Variants in HDAC4 observed in about 807,000 individuals in gnomAD.
HDAC4 encodes the protein histone deacetylase A.
HDAC4 carries 16 observed loss-of-function variants against 135.1 expected under a neutral mutation model. The observed-to-expected ratio is 0.12, with a 90% confidence interval of 0.08 to 0.18. The LOEUF is 0.18. Among genes scored for constraint, HDAC4 ranks in the 10% least tolerant of loss-of-function variants. HDAC4 has a pLI of 1.00. For synonymous variants in HDAC4, 685 were observed against 653.4 expected (o/e 1.05, Z -0.74); for missense variants, 1,143 against 1,511.8 (o/e 0.76, Z 4.05).
intron 3 of HDAC4, among the ~76,000 whole-genome samples, chr2:239,202,973 G>A (rs2045847934): frequency 6.6e-6 from 1 of 152,160 alleles, no homozygotes. Context: ...CGCCGCACCT[G>A]GATGTAGGCT....
intron 8 of HDAC4, among the ~76,000 whole-genome samples, chr2:239,142,696 C>T (rs557765219): frequency 6.6e-6 from 1 of 151,460 alleles, no homozygotes. Context: ...ACTGATCATG[C>T]CCTGTCACAC....
chr2:239,152,537 C>T (rs2042180099), intron 7 of HDAC4, among the ~76,000 whole-genome samples: 1 of 152,216 alleles, frequency 6.6e-6, no homozygotes, highest in African/African-American at 2.4e-5. Flanking sequence ...GACCTGAGGC[C>T]CTGGGTAGAG....
At chr2:239,354,907 C>A (rs115468934) in intron 1 of HDAC4, among the ~76,000 whole-genome samples, 1 of 152,134 alleles carries the variant, frequency 6.6e-6, no homozygotes, top group South Asian at 2.1e-4. Flanking sequence ...AAACACATCT[C>A]AGCTGGGTAT....
upstream of HDAC4, chr2:239,401,374 G>C (rs1163638046): frequency 1.3e-5 from 2 of 155,646 alleles, no homozygotes; most frequent in African/African-American, 4.8e-5. Flanking sequence ...GGCTGCTGGA[G>C]CTGCCAATTC....
At chr2:239,287,007 C>A (rs1256764280) in intron 2 of HDAC4, among the ~76,000 whole-genome samples, 1 of 152,118 alleles carries the variant, frequency 6.6e-6, no homozygotes, top group Admixed American at 6.5e-5. Flanking sequence ...GTGTCTGATG[C>A]AAGCAGGAAG....
rs1349390751 is a variant in HDAC4, at chr2:239,124,716, CTGGTGTG to C, written c.1533+1733_1533+1739del. Among the ~76,000 whole-genome samples the C allele has an allele frequency of 4.9e-4, 50 of 101,948 alleles. 2 individuals are homozygous for C. Among genetic ancestry groups the C allele is most frequent in the African/African-American group, 7.9e-4 (21 of 26,550 alleles). The allele number at this position is 101,948 out of a possible 152,430, so 66.9% of individuals were successfully genotyped here. A position where few individuals can be genotyped will look rare whatever the true frequency, so the allele number is the denominator to read the frequency against. On this transcript the variant is annotated intron_variant, in intron 12 of 26. Coordinates refer to ENST00000543185, the MANE Select transcript of HDAC4 (RefSeq NM_001378414.1). ...ATGACATTCCATGTTATGTGACATT[CTGGTGTG>C]CTGGCGTGTGGCTGCGTTATATGAC...
chr2:239,140,988 C>T (rs750162307), intron 8 of HDAC4: 4 of 397,564 alleles, frequency 1.0e-5, no homozygotes, highest in Non-Finnish European at 2.1e-5. Flanking sequence ...GCTCCCCCAA[C>T]CTGGCAGACC....
At chr2:239,284,032 C>T (rs28629222) in intron 2 of HDAC4, among the ~76,000 whole-genome samples, 17,856 of 152,244 alleles carry the variant, frequency 0.12, 1,636 homozygotes, top group East Asian at 0.43. Flanking sequence ...TCACAGTTCC[C>T]GCTTCTGCAC....
chr2:239,268,635 A>G (rs1304167352), intron 2 of HDAC4, among the ~76,000 whole-genome samples: 1 of 152,226 alleles, frequency 6.6e-6, no homozygotes, highest in Non-Finnish European at 1.5e-5. Flanking sequence ...AGGCCAAGGA[A>G]GACAGGGTAA....
At chr2:239,276,534 G>A (rs1015893254) in intron 2 of HDAC4, among the ~76,000 whole-genome samples, 1 of 152,242 alleles carries the variant, frequency 6.6e-6, no homozygotes, top group East Asian at 1.9e-4. Flanking sequence ...GGCTTCACCA[G>A]TCATGGGGAC....
chr2:239,093,821 G>A (rs2036742119), intron 17 of HDAC4: 1 of 474,028 alleles, frequency 2.1e-6, no homozygotes, highest in Admixed American at 6.4e-5. Context: ...CGTGCTGGCT[G>A]CAGGGCAGTG....
chr2:239,282,094 T>C (rs1252801496), intron 2 of HDAC4, among the ~76,000 whole-genome samples: 1 of 148,654 alleles, frequency 6.7e-6, no homozygotes, highest in African/African-American at 2.5e-5. Context: ...CACTCTACAA[T>C]GAACACCCCA....
chr2:239,067,066 G>T, intron 23 of HDAC4: 1 of 640,304 alleles, frequency 1.6e-6, no homozygotes. Context: ...TGGCTTCAAT[G>T]CTTTGATTTT....
intron 3 of HDAC4, among the ~76,000 whole-genome samples, chr2:239,222,249 A>C (rs1418438080): frequency 6.6e-6 from 1 of 152,210 alleles, no homozygotes; most frequent in African/African-American, 2.4e-5. Context: ...GAGCAAGACC[A>C]TCTGTGTGCT....
chr2:239,228,126 C>T (rs530777563), intron 3 of HDAC4, among the ~76,000 whole-genome samples: 47 of 152,314 alleles, frequency 3.1e-4, no homozygotes, highest in Non-Finnish European at 6.3e-4. Flanking sequence ...CACCAGGAAG[C>T]AAGAGTGCAA....
At chr2:239,300,465 C>T (rs2052186303) in intron 2 of HDAC4, among the ~76,000 whole-genome samples, 1 of 152,218 alleles carries the variant, frequency 6.6e-6, no homozygotes, top group East Asian at 1.9e-4. Context: ...ATGGGCATTG[C>T]TGCTATGGAC....
intron 2 of HDAC4, among the ~76,000 whole-genome samples, chr2:239,288,716 AAAG>A (rs2051289000): frequency 6.6e-6 from 1 of 152,206 alleles, no homozygotes; most frequent in Non-Finnish European, 1.5e-5. Context: ...ACAATCTACC[AAAG>A]AATAAAGAAT....
chr2:239,257,734 G>GGAC (rs2049127687), intron 2 of HDAC4, among the ~76,000 whole-genome samples: 1 of 152,072 alleles, frequency 6.6e-6, no homozygotes, highest in Non-Finnish European at 1.5e-5. Context: ...CTACTAATGA[G>GGAC]GATGATGTCA....
rs992668074 is a variant in HDAC4 at position 239,262,333 on chromosome 2, C to G, written c.23-25669G>C. Among the ~76,000 whole-genome samples, 1 of 152,194 alleles carries G rather than the reference C, an allele frequency of 6.6e-6. No homozygotes were observed. Among genetic ancestry groups the G allele is most frequent in the Non-Finnish European group, 1.5e-5 (1 of 68,042 alleles). On this transcript the variant is annotated intron_variant, in intron 2 of 26. Coordinates refer to ENST00000543185, the MANE Select transcript of HDAC4 (RefSeq NM_001378414.1). The surrounding 1 kb of genome is among the most constrained non-coding windows in gnomAD (Gnocchi z 4.1). Reference sequence around the variant, plus strand: ...AGACCACAATAACACACTTTAGAAACAGAGTAGCAATTTGGTTCTCTGCGG... The same window carrying G: ...AGACCACAATAACACACTTTAGAAAGAGAGTAGCAATTTGGTTCTCTGCGG...
Sources: allele counts gnomAD v4.1 joint callset (sites outside exome capture counted in the v4.1 genomes callset), GRCh38; gene constraint gnomAD v4.1.1; non-coding constraint Gnocchi (gnomAD v3.1); transcripts MANE v1.5; gene names NCBI Gene and HGNC (gene_info 2026-07-23, HGNC 2026-07-21).